Variants in ZNF423 observed in about 807,000 individuals in gnomAD.
The protein encoded by ZNF423 is zinc finger protein 423, also known as Ebf-associated zinc finger protein.
A neutral mutation model predicts 95.8 loss-of-function variants in ZNF423; 12 were observed. The observed-to-expected ratio is 0.13, with a 90% confidence interval of 0.08 to 0.20. The LOEUF is 0.20. Among genes scored for constraint, ZNF423 ranks in the 10% least tolerant of loss-of-function variants. ZNF423 has a pLI of 1.00. For synonymous variants in ZNF423, 749 were observed against 711.9 expected (o/e 1.05, Z -0.83); for missense variants, 1,316 against 1,737.1 (o/e 0.76, Z 4.31).
intron 1 of ZNF423, among the ~76,000 whole-genome samples, chr16:49,795,416 C>T (rs565805455): frequency 1.3e-5 from 2 of 152,228 alleles, no homozygotes; most frequent in Non-Finnish European, 2.9e-5. Context: ...GCACAAACCA[C>T]TCCTGCCTGG....
intron 3 of ZNF423, chr16:49,664,334 G>T: frequency 6.2e-6 from 6 of 966,104 alleles, no homozygotes; most frequent in Non-Finnish European, 6.2e-6. Context: ...CCCAGCTAGC[G>T]GGAGAGGAAG....
intron 7 of ZNF423, among the ~76,000 whole-genome samples, chr16:49,519,262 T>C (rs1968285029): frequency 6.6e-6 from 1 of 152,162 alleles, no homozygotes; most frequent in Admixed American, 6.5e-5. Flanking sequence ...GAGGTATTGG[T>C]GTGAGTGTAA....
chr16:49,813,269 G>A (rs1056946267), intron 1 of ZNF423, among the ~76,000 whole-genome samples: 5 of 151,354 alleles, frequency 3.3e-5, no homozygotes, highest in African/African-American at 4.9e-5. Context: ...AGGCAACGGC[G>A]CACTTCACCC....
At chr16:49,804,871 T>C (rs2034637102) in intron 1 of ZNF423, among the ~76,000 whole-genome samples, 1 of 147,070 alleles carries the variant, frequency 6.8e-6, no homozygotes, top group African/African-American at 2.5e-5. Flanking sequence ...GCCTGGCAAA[T>C]GGAAACCCTG....
At chr16:49,508,252 G>T (rs1967734503) in intron 7 of ZNF423, among the ~76,000 whole-genome samples, 1 of 152,178 alleles carries the variant, frequency 6.6e-6, no homozygotes, top group Non-Finnish European at 1.5e-5. Context: ...CTAGGCGCAT[G>T]GCTCATGCCT....
chr16:49,783,914 G>A (rs1455855029), intron 2 of ZNF423, among the ~76,000 whole-genome samples: 8 of 148,800 alleles, frequency 5.4e-5, no homozygotes, highest in Non-Finnish European at 1.5e-5. Context: ...AGGTTGCAGT[G>A]AGCCAAGATG....
intron 3 of ZNF423, among the ~76,000 whole-genome samples, chr16:49,677,320 A>G (rs1398864006): frequency 6.0e-5 from 3 of 50,322 alleles, no homozygotes; most frequent in African/African-American, 1.7e-4. Flanking sequence ...AAGGAGGGGA[A>G]GGGAGGGGAG....
intron 3 of ZNF423, among the ~76,000 whole-genome samples, chr16:49,670,854 C>G (rs535699270): frequency 6.6e-6 from 1 of 152,348 alleles, no homozygotes; most frequent in East Asian, 1.9e-4. Flanking sequence ...ACGTTTAAAG[C>G]ATCCTTTTTA....
intron 1 of ZNF423, among the ~76,000 whole-genome samples, chr16:49,826,144 C>G (rs1163565248): frequency 6.6e-6 from 1 of 152,060 alleles, no homozygotes; most frequent in Non-Finnish European, 1.5e-5. Context: ...CCCGGGAGGT[C>G]GAGGCTTCAG....
intron 5 of ZNF423, among the ~76,000 whole-genome samples, chr16:49,547,068 G>A (rs1444958423): frequency 6.6e-6 from 1 of 150,844 alleles, no homozygotes; most frequent in East Asian, 1.9e-4. Flanking sequence ...CCTGCAGAAA[G>A]TTGTAAACTT....
rs868457439 is a variant in ZNF423 at position 49,855,184 on chromosome 16, G to T, written c.40+551C>A. On this transcript the variant is annotated intron_variant, in intron 1 of 7. Transcript: ENST00000563137. The surrounding 1 kb of genome is among the most constrained non-coding windows in gnomAD (Gnocchi z 4.7). ...CCGGGGCGAGGGCGCGGCGCCCGGG[G>T]CGCTCGCCGACAGCGCCCGCCGCTC... 1.9e-4 allele frequency among the ~76,000 whole-genome samples: 29 copies of T among 150,344 alleles called. No individual in the cohort carries two copies. The Middle Eastern group carries it at 0.01, about 54-fold the overall frequency.
chr16:49,568,073 A>G (rs1970247643), intron 5 of ZNF423, among the ~76,000 whole-genome samples: 3 of 152,118 alleles, frequency 2.0e-5, no homozygotes, highest in Middle Eastern at 3.2e-3. Flanking sequence ...ATGTCTCTGG[A>G]TAAAGAGACT....
In ZNF423 at chr16:49,673,584, C is replaced by T. The variant is rs116531626; in HGVS notation, c.302-34710G>A. On this transcript the variant is annotated intron_variant, in intron 3 of 7. Coordinates refer to ENST00000563137, the MANE Select transcript of ZNF423 (RefSeq NM_001379286.1). ...CATCTTTCCTCAGAAACCCAATTAG[C>T]ATCAAGCTGATGGTACAAACACACA... 5.3e-3 allele frequency among the ~76,000 whole-genome samples: 812 copies of T among 152,358 alleles called. 9 individuals carry two copies. Among genetic ancestry groups the T allele is most frequent in the African/African-American group, 0.018 (749 of 41,594 alleles).
At position 49,636,614 on chromosome 16, in the gene ZNF423, G is replaced by A. The variant is rs12599354; in HGVS notation, c.2562C>T (p.Pro854=). 3 of 1,613,920 alleles carry A rather than the reference G, an allele frequency of 1.9e-6. No homozygotes were observed. The South Asian group carries it at 3.3e-5, about 18-fold the overall frequency. Residue 854 remains proline (P), a synonymous_variant, in exon 4 of 8, where the codon CCC becomes CCT. Coordinates refer to ENST00000563137, the MANE Select transcript of ZNF423 (RefSeq NM_001379286.1). The surrounding 1 kb of genome is among the most constrained non-coding windows in gnomAD (Gnocchi z 8.6). ...GCTCAGCTTTCTTGGTGGCCATTGG[G>A]GGTACCCCATTGGCCGTGCCGTTCT... ...ATENGTANGV[P]PMATKKAEPA... is the part of the protein sequence containing the mutation.
chr16:49,577,357 C>T (rs1217758067), intron 5 of ZNF423, among the ~76,000 whole-genome samples: 1 of 152,124 alleles, frequency 6.6e-6, no homozygotes, highest in African/African-American at 2.4e-5. Context: ...TTATCATCAC[C>T]GTTTTACTGA....
At chr16:49,675,908 G>A (rs2151930447) in intron 3 of ZNF423, among the ~76,000 whole-genome samples, 1 of 152,318 alleles carries the variant, frequency 6.6e-6, no homozygotes, top group Non-Finnish European at 1.5e-5. Flanking sequence ...GTCCATGAGT[G>A]CTCCACACAC....
chr16:49,738,010 C>G (rs937700868), intron 2 of ZNF423, among the ~76,000 whole-genome samples: 1 of 152,208 alleles, frequency 6.6e-6, no homozygotes, highest in Non-Finnish European at 1.5e-5. Flanking sequence ...GGGCCAGGAG[C>G]TGCCTCCATG....
intron 3 of ZNF423, among the ~76,000 whole-genome samples, chr16:49,662,650 G>A (rs1010325670): frequency 3.3e-5 from 5 of 152,164 alleles, no homozygotes; most frequent in East Asian, 1.9e-4. Flanking sequence ...AGTAAATCAC[G>A]TGTTGCTATG....
At chr16:49,737,662 C>T (rs571904629) in intron 2 of ZNF423, among the ~76,000 whole-genome samples, 9 of 152,182 alleles carry the variant, frequency 5.9e-5, no homozygotes, top group African/African-American at 1.2e-4. Context: ...AAAAGGGGAA[C>T]GGGGAGAGGC....
Sources: gnomAD v4.1 joint callset for allele counts (sites outside exome capture counted in the v4.1 genomes callset) on GRCh38, gnomAD v4.1.1 for gene constraint, Gnocchi (gnomAD v3.1) non-coding constraint, MANE v1.5 for transcripts, NCBI Gene and HGNC (gene_info 2026-07-23, HGNC 2026-07-21) for gene names.